ETFA: variants seen among roughly 807,000 people sequenced by gnomAD.
The protein encoded by ETFA is electron transfer flavoprotein subunit alpha, mitochondrial.
ETFA carries 22 observed loss-of-function variants against 46.2 expected under a neutral mutation model. The ratio of observed to expected loss-of-function variants is 0.48; its 90% confidence interval spans 0.34 to 0.68. ETFA has a LOEUF of 0.68. Among genes scored for constraint, ETFA ranks in the 30% least tolerant of loss-of-function variants. ETFA has a pLI of 0.01. For missense variants in ETFA, 345 were observed against 401.1 expected (o/e 0.86, Z 1.19); for synonymous variants, 131 against 139.9 (o/e 0.94, Z 0.45).
chr15:76,261,351 C>T (rs1010021661), intron 9 of ETFA: 1 of 1,264,154 alleles, frequency 7.9e-7, no homozygotes, highest in Non-Finnish European at 1.1e-6. Flanking sequence ...CCCCATCCAC[C>T]TTGCACCAGT....
At chr15:76,252,116 C>T (rs2039304657) in intron 9 of ETFA, among the ~76,000 whole-genome samples, 1 of 152,162 alleles carries the variant, frequency 6.6e-6, no homozygotes, top group African/African-American at 2.4e-5. Flanking sequence ...AAATTTGCAG[C>T]CCACATCTAG....
At position 76,286,393 on chromosome 15, in the gene ETFA, G is replaced by A. The variant is rs146133196; in HGVS notation, c.540C>T (p.Gly180=). The A allele has an allele frequency of 1.6e-5, 25 of 1,611,258 alleles. No individual in the cohort carries two copies. Among genetic ancestry groups the A allele is most frequent in the South Asian group, 3.3e-5 (3 of 90,956 alleles). ...GTSFDAAATS[G]GSASSEKASS... ...CACCCTTTTCTGAACTGGCACTACCGCCACTTGTTGCTGCAGCATCAAAGG... is the reference window on the plus strand; with the variant it reads ...CACCCTTTTCTGAACTGGCACTACCACCACTTGTTGCTGCAGCATCAAAGG... Residue 180 remains glycine (G), a synonymous_variant, in exon 6 of 12, where the codon GGC becomes GGT. Coordinates refer to ENST00000557943, the MANE Select transcript of ETFA (RefSeq NM_000126.4).
At chr15:76,280,846 G>C (rs573753626) in intron 8 of ETFA, among the ~76,000 whole-genome samples, 29 of 150,936 alleles carry the variant, frequency 1.9e-4, no homozygotes, top group African/African-American at 6.6e-4. Flanking sequence ...AGTTGCTCTG[G>C]TCTGGAACAC....
chr15:76,236,541 G>C (rs1203198043), intron 9 of ETFA, among the ~76,000 whole-genome samples: 1 of 152,134 alleles, frequency 6.6e-6, no homozygotes, highest in Non-Finnish European at 1.5e-5. Flanking sequence ...AGACAGAATG[G>C]CATTGTCTTA....
intron 9 of ETFA, among the ~76,000 whole-genome samples, chr15:76,239,527 A>G (rs1232184509): frequency 5.3e-5 from 8 of 152,112 alleles, no homozygotes; most frequent in Non-Finnish European, 1.2e-4. Context: ...TCCTTTGACC[A>G]ACATCTCCCC....
chr15:76,288,027 T>A (rs2039718760), intron 4 of ETFA, 82 bp from the exon 5 acceptor site: 1 of 878,156 alleles, frequency 1.1e-6, no homozygotes, highest in African/African-American at 1.7e-5. Context: ...ATATTCTAAA[T>A]GCATATTCTG....
chr15:76,239,348 T>G (rs891685420), intron 9 of ETFA, among the ~76,000 whole-genome samples: 1 of 152,174 alleles, frequency 6.6e-6, no homozygotes, highest in Non-Finnish European at 1.5e-5. Flanking sequence ...ATTACCACAA[T>G]CAGGCTAATT....
intron 9 of ETFA, among the ~76,000 whole-genome samples, chr15:76,263,713 G>A (rs1363017946): frequency 6.6e-6 from 1 of 152,136 alleles, no homozygotes; most frequent in Non-Finnish European, 1.5e-5. Flanking sequence ...GTCAGTGTGG[G>A]CACTAATAAA....
At chr15:76,251,516 A>G (rs904318681) in intron 9 of ETFA, among the ~76,000 whole-genome samples, 1 of 152,204 alleles carries the variant, frequency 6.6e-6, no homozygotes, top group South Asian at 2.1e-4. Context: ...GTTCCCATAG[A>G]CACATTTGTA....
At chr15:76,300,218 A>G (rs1294462689) in intron 1 of ETFA, among the ~76,000 whole-genome samples, 2 of 152,214 alleles carry the variant, frequency 1.3e-5, no homozygotes, top group African/African-American at 4.8e-5. Flanking sequence ...CCTAAGTGCT[A>G]GACTTATAAT....
chr15:76,238,078 A>G (rs1443068114), intron 9 of ETFA, among the ~76,000 whole-genome samples: 2 of 152,296 alleles, frequency 1.3e-5, no homozygotes, highest in South Asian at 2.1e-4. Flanking sequence ...AAAATATAAT[A>G]CATATGAAGT....
At chr15:76,310,384 AAAAAAAAAG>A (rs2039984693) in intron 1 of ETFA, among the ~76,000 whole-genome samples, 1 of 151,042 alleles carries the variant, frequency 6.6e-6, no homozygotes, top group African/African-American at 2.4e-5. Flanking sequence ...AAAAAAAAAA[AAAAAAAAAG>A]GAGAAAAGGT....
At chr15:76,266,150 T>C (rs11072585) in intron 9 of ETFA, among the ~76,000 whole-genome samples, 37,625 of 152,168 alleles carry the variant, frequency 0.25, 5,614 homozygotes, top group East Asian at 0.58. Context: ...ATTCAACCGA[T>C]GGGCAAGCTA....
At position 76,285,668 on chromosome 15, in the gene ETFA, C is replaced by T; in HGVS notation, c.633G>A (p.Glu211=). 1 of 1,611,402 alleles carries T rather than the reference C, an allele frequency of 6.2e-7. No homozygotes were observed. The highest frequency in any genetic ancestry group is 8.5e-7 in the Non-Finnish European group (1 of 1,177,604). Residue 211 remains glutamate (E), a synonymous_variant, in exon 7 of 12, where the codon GAG becomes GAA. Coordinates refer to ENST00000557943, the MANE Select transcript of ETFA (RefSeq NM_000126.4). ...DQKLTKSDRP[E]LTGAKVVVSG... ...ATACCACCACTTTGGCACCTGTTAG[C>T]TCTGGTCGATCACTTTTTGTTAATT...
chr15:76,249,832 A>C (rs1435263099), intron 9 of ETFA, among the ~76,000 whole-genome samples: 1 of 152,160 alleles, frequency 6.6e-6, no homozygotes, highest in Non-Finnish European at 1.5e-5. Flanking sequence ...ACTACCGCCT[A>C]TCTCAAGAAC....
chr15:76,310,841 T>TCCCCC (rs2039989858), intron 1 of ETFA, among the ~76,000 whole-genome samples: 6 of 148,854 alleles, frequency 4.0e-5, no homozygotes, highest in African/African-American at 1.3e-4. Context: ...CCACGCAGCC[T>TCCCCC]CCCACCCCAC....
At chr15:76,233,325 CTTTTTTTT>C (rs66595585) in intron 9 of ETFA, among the ~76,000 whole-genome samples, 2 of 84,472 alleles carry the variant, frequency 2.4e-5, no homozygotes, top group Non-Finnish European at 2.2e-5. Flanking sequence ...ATTCAATAGG[CTTTTTTTT>C]TTTTTTTTTT....
intron 6 of ETFA, 140 bp from the exon 7 acceptor site, chr15:76,285,878 TTCTC>T (rs2039700700): frequency 6.0e-6 from 4 of 669,056 alleles, no homozygotes; most frequent in African/African-American, 3.6e-5. Flanking sequence ...TCCTAATTAA[TTCTC>T]TCTGATAATG....
chr15:76,246,276 A>C (rs1261075990), intron 9 of ETFA, among the ~76,000 whole-genome samples: 1 of 152,198 alleles, frequency 6.6e-6, no homozygotes, highest in Non-Finnish European at 1.5e-5. Flanking sequence ...GGGTTAAGTG[A>C]TTTGTCCAAA....
Sources: gnomAD v4.1 joint callset for allele counts (sites outside exome capture counted in the v4.1 genomes callset) on GRCh38, gnomAD v4.1.1 for gene constraint, MANE v1.5 for transcripts, NCBI Gene and HGNC (gene_info 2026-07-23, HGNC 2026-07-21) for gene names.